The following NR1D2 variants were observed in gnomAD, a reference collection of about 807,000 sequenced individuals.
NR1D2 encodes V-erbA-related protein 1-related.
NR1D2 carries 25 observed loss-of-function variants against 52.2 expected under a neutral mutation model. The observed-to-expected ratio is 0.48, with a 90% CI of 0.35 to 0.67. NR1D2 has a LOEUF of 0.67. Ranked by LOEUF, NR1D2 falls within the 30% of genes least tolerant of loss-of-function variation. The probability of loss-of-function intolerance (pLI) is 0.01; values close to 1 mark genes in which losing one functional copy is unlikely to be tolerated. For missense variants in NR1D2, 681 were observed against 707.2 expected (o/e 0.96, Z 0.42); for synonymous variants, 259 against 230.1 (o/e 1.13, Z -1.14).
chr3:23,950,667 T>G (rs979988506), intron 1 of NR1D2, among the ~76,000 whole-genome samples: 4 of 152,302 alleles, frequency 2.6e-5, no homozygotes, highest in Admixed American at 6.5e-5. Context: ...TAGATGGGTC[T>G]TCTTTGATTT....
At chr3:23,950,376 T>G (rs1291460598) in intron 1 of NR1D2, among the ~76,000 whole-genome samples, 1 of 152,210 alleles carries the variant, frequency 6.6e-6, no homozygotes, top group Non-Finnish European at 1.5e-5. Flanking sequence ...GTTTAAAAAA[T>G]GATTTGATGA....
In NR1D2 at chr3:23,980,130, T is replaced by C. The variant is rs1706838701; in HGVS notation, c.*2711T>C. 6.6e-6 allele frequency: 1 copy of C among 152,174 alleles called. No individual in the cohort carries two copies. Among genetic ancestry groups the C allele is most frequent in the African/African-American group, 2.4e-5 (1 of 41,456 alleles). The allele number at this position is 152,174 out of a possible 1,614,324, so 9.4% of individuals were successfully genotyped here. A position where few individuals can be genotyped will look rare whatever the true frequency, so the allele number is the denominator to read the frequency against. ...ATTTCAGTGGATTAAGTGTATAGCTTTCATATCTACATTTCAAGAAATTAC... is the reference window on the plus strand; with the variant it reads ...ATTTCAGTGGATTAAGTGTATAGCTCTCATATCTACATTTCAAGAAATTAC... On this transcript the variant is annotated 3_prime_UTR_variant, in exon 8 of 8. Transcript: ENST00000312521.
chr3:23,960,313 GA>G (rs1706202940), intron 4 of NR1D2, among the ~76,000 whole-genome samples: 1 of 152,202 alleles, frequency 6.6e-6, no homozygotes, highest in African/African-American at 2.4e-5. Context: ...GCTAAGGCAG[GA>G]GAATAGCGTG....
intron 5 of NR1D2, chr3:23,963,494 G>T (rs1319839518): frequency 1.3e-6 from 1 of 768,212 alleles, no homozygotes; most frequent in African/African-American, 1.9e-5. Flanking sequence ...CTGTTGCCCA[G>T]GCTGGAGTGC....
chr3:23,961,695 C>G (rs1007550043), intron 4 of NR1D2, among the ~76,000 whole-genome samples: 2 of 152,100 alleles, frequency 1.3e-5, no homozygotes, highest in African/African-American at 4.8e-5. Context: ...TGCACCCATC[C>G]GAATTTCCTA....
At chr3:23,952,640 C>T (rs539143798) in intron 1 of NR1D2, among the ~76,000 whole-genome samples, 3 of 151,316 alleles carry the variant, frequency 2.0e-5, no homozygotes, top group South Asian at 2.1e-4. Flanking sequence ...GGAGGAGAAT[C>T]GCATGAACCC....
intron 1 of NR1D2, 69 bp from the exon 2 acceptor site, chr3:23,954,468 G>T: frequency 7.3e-7 from 1 of 1,361,144 alleles, no homozygotes; most frequent in South Asian, 1.3e-5. Context: ...CTTTACTGTT[G>T]AGATTTGCAA....
rs765229699 is a variant in NR1D2, at chr3:23,954,548, G to A, written c.28G>A (p.Ala10Thr). The change falls in exon 2 of 8, where the codon GCC (alanine) becomes ACC (threonine). Residue 10 changes from alanine to threonine, a missense_variant. This residue lies in a region of NR1D2 where 94 missense variants were observed against 90.4 expected (regional missense o/e 1.04). Coordinates refer to ENST00000312521, the MANE Select transcript of NR1D2 (RefSeq NM_005126.5). ...CTCCTATTTTCTAGGAGGTGTGATT[G>A]CCTATATCAGTTCTTCCAGCTCAGC... MEVNAGGVI[A>T]YISSSSSASS... The A allele has an allele frequency of 1.2e-6, 2 of 1,613,754 alleles. No individual in the cohort carries two copies. Among genetic ancestry groups the A allele is most frequent in the Non-Finnish European group, 1.7e-6 (2 of 1,179,746 alleles).
At chr3:23,967,010 C>G (rs1706465321) in intron 6 of NR1D2, among the ~76,000 whole-genome samples, 1 of 151,658 alleles carries the variant, frequency 6.6e-6, no homozygotes, top group Non-Finnish European at 1.5e-5. Flanking sequence ...GGCAACAGAG[C>G]AAGACCCTGT....
intron 7 of NR1D2, among the ~76,000 whole-genome samples, chr3:23,971,233 A>G (rs543026267): frequency 6.6e-6 from 1 of 151,756 alleles, no homozygotes; most frequent in Admixed American, 6.6e-5. Flanking sequence ...GGATTTCTTA[A>G]CACCCTTCTT....
rs575935813 is a variant in NR1D2 at position 23,952,948 on chromosome 3, C to G, written c.17-1589C>G. Among the ~76,000 whole-genome samples the G allele has an allele frequency of 2.2e-4, 33 of 151,156 alleles. No individual in the cohort carries two copies. In the South Asian group the frequency reaches 6.4e-3, roughly 30 times the overall value. On this transcript the variant is annotated intron_variant, in intron 1 of 7. Coordinates refer to ENST00000312521, the MANE Select transcript of NR1D2 (RefSeq NM_005126.5). ...ACAGACTAAAAGTGACTCTAAATTT[C>G]TCTGCCTGTTTTTTTTTTTCTTGCC...
intron 1 of NR1D2, among the ~76,000 whole-genome samples, chr3:23,952,196 T>A (rs1417608426): frequency 6.6e-6 from 1 of 152,200 alleles, no homozygotes; most frequent in Non-Finnish European, 1.5e-5. Flanking sequence ...GGGACCATGT[T>A]GCAGGAAAAA....
chr3:23,947,866 C>T (rs536789815), intron 1 of NR1D2, among the ~76,000 whole-genome samples: 8 of 152,254 alleles, frequency 5.3e-5, no homozygotes, highest in African/African-American at 1.7e-4. Context: ...GCCTGTAATC[C>T]CAGCACTTTG....
At chr3:23,947,973 C>T (rs1302745140) in intron 1 of NR1D2, among the ~76,000 whole-genome samples, 1 of 152,120 alleles carries the variant, frequency 6.6e-6, no homozygotes, top group Non-Finnish European at 1.5e-5. Context: ...CAAAAATTAG[C>T]CGGGCGTGGT....
At chr3:23,961,219 T>G (rs571141398) in intron 4 of NR1D2, among the ~76,000 whole-genome samples, 210 of 152,204 alleles carry the variant, frequency 1.4e-3, no homozygotes, top group African/African-American at 4.7e-3. Flanking sequence ...GTTCAGGGAA[T>G]GATTTCACCT....
intron 1 of NR1D2, 107 bp downstream of exon 1, chr3:23,945,701 G>C: frequency 1.4e-6 from 1 of 712,504 alleles, no homozygotes; most frequent in Non-Finnish European, 1.9e-6. Flanking sequence ...CCGGTGGGGC[G>C]GGGTGGGCTG....
Position 23,951,966 on chromosome 3 carries a change from C to T in NR1D2, c.17-2571C>T, listed in dbSNP as rs533379650. Among the ~76,000 whole-genome samples the T allele has an allele frequency of 5.9e-5, 9 of 152,222 alleles. 1 individual carries two copies. The South Asian group carries it at 1.2e-3, about 21-fold the overall frequency. On this transcript the variant is annotated intron_variant, in intron 1 of 7. Coordinates refer to ENST00000312521, the MANE Select transcript of NR1D2 (RefSeq NM_005126.5). ...AGAATAAATGGTAGATGAAAACTAC[C>T]TTGGTCACTTTGTCTTCCAGGGAGC...
chr3:23,951,131 C>T (rs1300172037), intron 1 of NR1D2, among the ~76,000 whole-genome samples: 1 of 152,020 alleles, frequency 6.6e-6, no homozygotes, highest in Non-Finnish European at 1.5e-5. Flanking sequence ...TCTTGGACTC[C>T]CGACCTCAGG....
At chr3:23,965,714 A>G (rs972681661) in intron 6 of NR1D2, among the ~76,000 whole-genome samples, 1 of 152,174 alleles carries the variant, frequency 6.6e-6, no homozygotes, top group African/African-American at 2.4e-5. Flanking sequence ...GATTTGAAAT[A>G]TAGGTATTCT....
Sources: allele counts gnomAD v4.1 joint callset (sites outside exome capture counted in the v4.1 genomes callset), GRCh38; gene constraint gnomAD v4.1.1; regional missense constraint gnomAD v4.1.1; transcripts MANE v1.5; gene names NCBI Gene and HGNC (gene_info 2026-07-23, HGNC 2026-07-21).